The following MYPOP variants were observed in gnomAD, a reference collection of about 807,000 sequenced individuals.
The protein encoded by MYPOP is myb-related transcription factor, partner of profilin.
Under a neutral mutation model 25.7 loss-of-function variants are expected in MYPOP, and 21 were observed. The observed-to-expected ratio is 0.82, with a 90% confidence interval of 0.58 to 1.18. The LOEUF is 1.18. Among genes scored for constraint, MYPOP ranks in the 50% most tolerant of loss-of-function variants. MYPOP has a pLI of 0.00. For missense variants in MYPOP, 566 were observed against 588.3 expected (o/e 0.96, Z 0.39); for synonymous variants, 280 against 247.9 (o/e 1.13, Z -1.22).
chr19:45,891,416 C>T (rs1967124699), intron 2 of MYPOP, 93 bp from the exon 3 acceptor site: 9 of 1,374,480 alleles, frequency 6.5e-6, no homozygotes, highest in Middle Eastern at 4.7e-4. Flanking sequence ...CCCCCCTACC[C>T]GAACCCAGAA....
rs139686087 is a variant in MYPOP, at chr19:45,896,967, G to A, written c.499+4308C>T. On this transcript the variant is annotated intron_variant, in intron 2 of 2. Transcript: ENST00000322217. ...ATGGGAGCCTCGCTATATTGCCCAG[G>A]CTGGTCTCAAACTCCTGGCCTCAAA... Among the ~76,000 whole-genome samples, 484 of 152,110 alleles carry A rather than the reference G, an allele frequency of 3.2e-3. 4 individuals carry two copies. Among genetic ancestry groups the A allele is most frequent in the African/African-American group, 0.011 (448 of 41,504 alleles).
intron 2 of MYPOP, among the ~76,000 whole-genome samples, chr19:45,895,952 A>G (rs1261065618): frequency 6.6e-6 from 1 of 152,034 alleles, no homozygotes; most frequent in Non-Finnish European, 1.5e-5. Context: ...ACAGCCAGCC[A>G]AAGAAAGAGA....
Position 45,901,301 on chromosome 19 carries a change from T to C in MYPOP, c.473A>G (p.Glu158Gly). The C allele has an allele frequency of 6.9e-7, 1 of 1,455,204 alleles. No homozygotes were observed. Among genetic ancestry groups the C allele is most frequent in the Non-Finnish European group, 9.0e-7 (1 of 1,105,076 alleles). 90.1% of individuals were successfully genotyped at this position (1,455,204 alleles called of 1,614,324 possible). ...TGCACGTCGGTCCTCCCGGCGGTCT[T>C]CCGACAACACGTAGCGCTGAGGGCA... Reference protein sequence around the residue: ...SACPQRYVLSEDRREDRRADT... With the variant: ...SACPQRYVLSGDRREDRRADT... Residue 158 changes from glutamate (E) to glycine (G), a missense_variant, in exon 2 of 3, where the codon GAA becomes GGA. Coordinates refer to ENST00000322217, the MANE Select transcript of MYPOP (RefSeq NM_001012643.4). The surrounding 1 kb of genome is among the most constrained non-coding windows in gnomAD (Gnocchi z 5.7).
In MYPOP at chr19:45,890,547, G is replaced by A; in HGVS notation, c.*76C>T. On this transcript the variant is annotated 3_prime_UTR_variant, in exon 3 of 3. Transcript: ENST00000322217. ...CAGGGAGCTAGGGTGCAGCTGGGAT[G>A]GGCAGAGAGCATCGCCCCCCTCGAC... 2.5e-6 allele frequency: 4 copies of A among 1,568,926 alleles called. No homozygotes were observed. Among genetic ancestry groups the A allele is most frequent in the African/African-American group, 1.3e-5 (1 of 74,134 alleles).
chr19:45,893,504 G>A (rs2146376350), intron 2 of MYPOP, among the ~76,000 whole-genome samples: 1 of 146,274 alleles, frequency 6.8e-6, no homozygotes, highest in East Asian at 2.1e-4. Flanking sequence ...GGAGGCAGAA[G>A]TTGCAGTGAG....
At chr19:45,891,391 C>G in intron 2 of MYPOP, 68 bp from the exon 3 acceptor site, 1 of 1,406,192 alleles carries the variant, frequency 7.1e-7, no homozygotes, top group Non-Finnish European at 9.2e-7. Flanking sequence ...CCCTTTCCCA[C>G]TCCTTCCCTC....
At chr19:45,894,597 A>G (rs1176019910) in intron 2 of MYPOP, among the ~76,000 whole-genome samples, 1 of 151,926 alleles carries the variant, frequency 6.6e-6, no homozygotes, top group East Asian at 1.9e-4. Flanking sequence ...TTTTTTGTAG[A>G]GATGAGGTCT....
intron 2 of MYPOP, among the ~76,000 whole-genome samples, chr19:45,895,118 T>C (rs1967184188): frequency 6.6e-6 from 1 of 152,202 alleles, no homozygotes; most frequent in Non-Finnish European, 1.5e-5. Flanking sequence ...GCAAAGTCCT[T>C]GAGGCCTCTA....
chr19:45,902,064 G>A (rs914206242), intron 1 of MYPOP, among the ~76,000 whole-genome samples: 1 of 151,180 alleles, frequency 6.6e-6, no homozygotes, highest in Non-Finnish European at 1.5e-5. Context: ...GATAGAAATT[G>A]GGGGAGGGTC....
chr19:45,892,661 C>T (rs1256563371), intron 2 of MYPOP, among the ~76,000 whole-genome samples: 1 of 152,136 alleles, frequency 6.6e-6, no homozygotes, highest in Non-Finnish European at 1.5e-5. Context: ...CCCAGCTGCT[C>T]AGGTTAAACA....
chr19:45,894,865 C>T (rs1316431015), intron 2 of MYPOP, among the ~76,000 whole-genome samples: 1 of 151,512 alleles, frequency 6.6e-6, no homozygotes, highest in African/African-American at 2.4e-5. Flanking sequence ...ACTATAGGTG[C>T]ACACCACCAT....
intron 2 of MYPOP, among the ~76,000 whole-genome samples, chr19:45,892,212 C>T (rs1239604383): frequency 2.6e-5 from 4 of 152,144 alleles, no homozygotes; most frequent in South Asian, 4.1e-4. Flanking sequence ...TGAGCCACTG[C>T]GCTCGGACAA....
Position 45,901,199 on chromosome 19 carries a change from C to A in MYPOP, c.499+76G>T, listed in dbSNP as rs1967283456. ...GAAGGACAGCATCCACCTCACAGGG[C>A]TGCAGCAAGGCTTTGATGAGACATG... On this transcript the variant is annotated intron_variant, in intron 2 of 2. Coordinates refer to ENST00000322217, the MANE Select transcript of MYPOP (RefSeq NM_001012643.4). The surrounding 1 kb of genome is among the most constrained non-coding windows in gnomAD (Gnocchi z 5.7). The A allele has an allele frequency of 7.6e-7, 1 of 1,317,362 alleles. No individual in the cohort carries two copies. 81.6% of individuals were successfully genotyped at this position (1,317,362 alleles called of 1,614,324 possible). A position where few individuals can be genotyped will look rare whatever the true frequency, so the allele number is the denominator to read the frequency against.
chr19:45,901,311 C>T lies in MYPOP; in HGVS notation c.463G>A (p.Val155Met), dbSNP rs772947522. ...PPPSACPQRY[V>M]LSEDRREDRR... Reference sequence around the variant, plus strand: ...TCCTCCCGGCGGTCTTCCGACAACACGTAGCGCTGAGGGCAGGCGCTTGGG... The same window carrying T: ...TCCTCCCGGCGGTCTTCCGACAACATGTAGCGCTGAGGGCAGGCGCTTGGG... The change falls in exon 2 of 3, where the codon GTG becomes ATG. Residue 155 changes from valine to methionine, a missense_variant. By Grantham distance (21) the Val-to-Met change is conservative. Transcript: ENST00000322217. This position sits in a 1 kb window ranked among gnomAD's most constrained non-coding sequence, Gnocchi z 5.7. The T allele has an allele frequency of 6.9e-7, 1 of 1,459,742 alleles. No homozygotes were observed. The highest frequency in any genetic ancestry group is 9.0e-7 in the Non-Finnish European group (1 of 1,107,350). The allele number at this position is 1,459,742 out of a possible 1,614,324, so 90.4% of individuals were successfully genotyped here.
intron 2 of MYPOP, among the ~76,000 whole-genome samples, chr19:45,892,184 G>A (rs753156023): frequency 3.3e-5 from 5 of 152,174 alleles, no homozygotes; most frequent in African/African-American, 9.7e-5. Flanking sequence ...GCCTCCCAAA[G>A]TTCTGGGATT....
Position 45,891,029 on chromosome 19 carries a change from G to A in MYPOP, c.794C>T (p.Ala265Val). 6.8e-7 allele frequency: 1 copy of A among 1,468,772 alleles called. No individual in the cohort carries two copies. The highest frequency in any genetic ancestry group is 9.1e-7 in the Non-Finnish European group (1 of 1,098,964). 91.0% of individuals were successfully genotyped at this position (1,468,772 alleles called of 1,614,324 possible). The stretch of plus-strand genomic sequence containing the variant: ...GATGGCGTTGGCAGTCTCCTGCTGG[G>A]CCCGCAGGAAGTCCAGGGAGGGGTC... ...ASDPSLDFLR[A>V]QQETANAIRE... The change falls in exon 3 of 3, where the codon GCC becomes GTC. Residue 265 changes from alanine (A) to valine (V), a missense_variant. Physicochemically the swap from Ala to Val is moderately conservative, Grantham distance 64 (BLOSUM62 0). Coordinates refer to ENST00000322217, the MANE Select transcript of MYPOP (RefSeq NM_001012643.4).
chr19:45,896,817 G>A (rs1240506071), intron 2 of MYPOP, among the ~76,000 whole-genome samples: 1 of 151,510 alleles, frequency 6.6e-6, no homozygotes, highest in Non-Finnish European at 1.5e-5. Flanking sequence ...AGTAGAGACG[G>A]GGTTTCACCT....
In MYPOP at chr19:45,895,502, T is replaced by C. The variant is rs116656851; in HGVS notation, c.500-4179A>G. Among the ~76,000 whole-genome samples the C allele has an allele frequency of 3.4e-3, 517 of 152,166 alleles. 2 individuals are homozygous for C. The highest frequency in any genetic ancestry group is 0.012 in the African/African-American group (489 of 41,538). On this transcript the variant is annotated intron_variant, in intron 2 of 2. Coordinates refer to ENST00000322217, the MANE Select transcript of MYPOP (RefSeq NM_001012643.4). The stretch of plus-strand genomic sequence containing the variant: ...TCCTTCTTTTTTTCTCCCCTAACCC[T>C]ACCTGATTCCTCTCCCAGCACTTAT...
chr19:45,898,958 G>A (rs1017811437), intron 2 of MYPOP, among the ~76,000 whole-genome samples: 1 of 152,204 alleles, frequency 6.6e-6, no homozygotes. Flanking sequence ...CGGGTGTGGT[G>A]GCTCACGCCT....
Sources: gnomAD v4.1 joint callset for allele counts (sites outside exome capture counted in the v4.1 genomes callset) on GRCh38, gnomAD v4.1.1 for gene constraint, Gnocchi (gnomAD v3.1) non-coding constraint, MANE v1.5 for transcripts, NCBI Gene and HGNC (gene_info 2026-07-23, HGNC 2026-07-21) for gene names.